FBN1: variants seen among roughly 807,000 people sequenced by gnomAD.
FBN1 encodes the protein fibrillin-1.
A neutral mutation model predicts 365.1 loss-of-function variants in FBN1; 29 were observed. The observed-to-expected ratio is 0.08, with a 90% CI of 0.06 to 0.11. The LOEUF is 0.11. FBN1 is among the 10% of genes least tolerant of loss of function. The pLI is 1.00. For missense variants in FBN1, 2,476 were observed against 3,703.2 expected (o/e 0.67, Z 8.60); for synonymous variants, 1,210 against 1,270.5 (o/e 0.95, Z 1.01).
intron 2 of FBN1, among the ~76,000 whole-genome samples, chr15:48,636,824 G>A (rs747565221): frequency 6.6e-6 from 1 of 152,198 alleles, no homozygotes; most frequent in Non-Finnish European, 1.5e-5. Context: ...ACTGTGTCCT[G>A]TCTAAATTCC....
intron 16 of FBN1, among the ~76,000 whole-genome samples, chr15:48,504,752 G>A (rs2043694153): frequency 6.6e-6 from 1 of 152,126 alleles, no homozygotes; most frequent in Non-Finnish European, 1.5e-5. Context: ...ATCAACAAAG[G>A]AGGCCTGGAG....
chr15:48,450,493 T>C (rs1318392732), intron 45 of FBN1, among the ~76,000 whole-genome samples: 1 of 152,196 alleles, frequency 6.6e-6, no homozygotes, highest in Non-Finnish European at 1.5e-5. Context: ...ATGATCATAT[T>C]TGAGGTTGGG....
At chr15:48,639,790 C>A (rs1890166865) in intron 2 of FBN1, among the ~76,000 whole-genome samples, 1 of 152,128 alleles carries the variant, frequency 6.6e-6, no homozygotes, top group Non-Finnish European at 1.5e-5. Context: ...TTCTAAGTTG[C>A]TTAAGCAGGC....
chr15:48,587,552 G>A (rs984482968), intron 6 of FBN1, among the ~76,000 whole-genome samples: 2 of 152,098 alleles, frequency 1.3e-5, no homozygotes, highest in Non-Finnish European at 2.9e-5. Context: ...GACACAGCAG[G>A]GTCCTCCCTT....
chr15:48,613,156 T>A, intron 2 of FBN1, 64 bp from the exon 3 acceptor site: 5 of 1,282,488 alleles, frequency 3.9e-6, no homozygotes, highest in Admixed American at 3.5e-5. Context: ...GATGGCCAAA[T>A]AAAAGGAAAA....
chr15:48,633,514 C>G (rs1215176820), intron 2 of FBN1, among the ~76,000 whole-genome samples: 2 of 152,058 alleles, frequency 1.3e-5, no homozygotes, highest in African/African-American at 4.8e-5. Context: ...GACTATTTCT[C>G]TTTTTCCAAC....
At chr15:48,639,416 T>G (rs1008397082) in intron 2 of FBN1, among the ~76,000 whole-genome samples, 1 of 152,200 alleles carries the variant, frequency 6.6e-6, no homozygotes, top group African/African-American at 2.4e-5. Context: ...TGTTATTATG[T>G]ATTTGTTTAG....
chr15:48,568,049 G>GAAAGAAAGAAAGAAAGAAAGA (rs369157930), intron 6 of FBN1, among the ~76,000 whole-genome samples: 1 of 40,146 alleles, frequency 2.5e-5, no homozygotes, highest in Non-Finnish European at 4.6e-5. Flanking sequence ...AAGAAAGAAA[G>GAAAGAAAGAAAGAAAGAAAGA]AAGAAAGAAA....
intron 32 of FBN1, among the ~76,000 whole-genome samples, chr15:48,480,317 C>G (rs1395850813): frequency 6.6e-6 from 1 of 152,126 alleles, no homozygotes; most frequent in East Asian, 1.9e-4. Flanking sequence ...CTTTTCACTA[C>G]TGCCAGACCA....
chr15:48,467,166 G>C (rs937057022), intron 38 of FBN1, among the ~76,000 whole-genome samples: 2 of 152,062 alleles, frequency 1.3e-5, no homozygotes, highest in Non-Finnish European at 2.9e-5. Flanking sequence ...GGCCTATTTT[G>C]AATTATAGCG....
intron 21 of FBN1, 68 bp downstream of exon 21, chr15:48,495,401 G>A: frequency 1.9e-6 from 3 of 1,598,014 alleles, no homozygotes; most frequent in East Asian, 2.2e-5. Flanking sequence ...TTCTTTTGCA[G>A]GAAAAGCTGA....
chr15:48,417,448 TTTCCTTCC>T (rs112725437), intron 63 of FBN1, among the ~76,000 whole-genome samples: 3 of 91,446 alleles, frequency 3.3e-5, no homozygotes, highest in African/African-American at 9.1e-5. Context: ...CCCTCCCTCC[TTTCCTTCC>T]TTCCTTCCTT....
At chr15:48,494,976 T>C (rs1300030941) in intron 22 of FBN1, 147 bp downstream of exon 22, 16 of 879,152 alleles carry the variant, frequency 1.8e-5, no homozygotes, top group African/African-American at 1.7e-4. Flanking sequence ...ACACTTCTTA[T>C]TTCCCATTCA....
At chr15:48,599,013 T>C (rs2044537643) in intron 5 of FBN1, among the ~76,000 whole-genome samples, 1 of 152,186 alleles carries the variant, frequency 6.6e-6, no homozygotes, top group African/African-American at 2.4e-5. Flanking sequence ...ACGTGACTTG[T>C]TGCTCCCTGC....
chr15:48,551,588 G>A (rs2141373725), intron 6 of FBN1, among the ~76,000 whole-genome samples: 1 of 151,936 alleles, frequency 6.6e-6, no homozygotes, highest in Non-Finnish European at 1.5e-5. Flanking sequence ...TGTGTCAAGG[G>A]GGTTCGTTGT....
rs193922233 is a variant in FBN1 at position 48,425,410 on chromosome 15, G to A, written c.7412C>T (p.Pro2471Leu). The A allele has an allele frequency of 7.4e-6, 12 of 1,614,000 alleles. No individual in the cohort carries two copies. The highest frequency in any genetic ancestry group is 5.3e-5 in the African/African-American group (4 of 74,896). Residue 2471 changes from proline (P) to leucine (L), a missense_variant, in exon 60 of 66, where the codon CCG becomes CTG. Around this residue, in one of 5 missense-constraint regions of FBN1, gnomAD observed 1,780 missense variants for 2,840.8 expected, o/e 0.63. Transcript: ENST00000316623. The part of the protein sequence containing the change: ...NTEGSYQCSC[P>L]KGYILQEDGR... ...ATCCTCTTGCAGAATGTAGCCTTTC[G>A]GGCATGAACACTGGTAACTCCCTTC...
chr15:48,538,786 C>A (rs2044033647), intron 6 of FBN1, among the ~76,000 whole-genome samples: 1 of 152,168 alleles, frequency 6.6e-6, no homozygotes, highest in South Asian at 2.1e-4. Context: ...CACAAACCAA[C>A]ATTTGCATGC....
At chr15:48,579,027 A>AG (rs1225395224) in intron 6 of FBN1, among the ~76,000 whole-genome samples, 3 of 144,200 alleles carry the variant, frequency 2.1e-5, no homozygotes, top group Non-Finnish European at 2.9e-5. Flanking sequence ...AAAATAAAAA[A>AG]GGGGAAAAAA....
intron 6 of FBN1, among the ~76,000 whole-genome samples, chr15:48,548,427 G>T (rs1227226544): frequency 2.0e-5 from 3 of 152,208 alleles, no homozygotes; most frequent in Non-Finnish European, 2.9e-5. Context: ...CCCATGGGCA[G>T]ATAGGCCACT....
Sources: gnomAD v4.1 joint callset for allele counts (sites outside exome capture counted in the v4.1 genomes callset) on GRCh38, gnomAD v4.1.1 for gene constraint, gnomAD v4.1.1 regional missense constraint, MANE v1.5 for transcripts, NCBI Gene and HGNC (gene_info 2026-07-23, HGNC 2026-07-21) for gene names.